The following HPSE2 variants were observed in gnomAD, a reference collection of about 807,000 sequenced individuals.
The protein encoded by HPSE2 is inactive heparanase-2.
HPSE2 carries 38 observed loss-of-function variants against 60.5 expected under a neutral mutation model. The ratio of observed to expected loss-of-function variants is 0.63; its 90% CI spans 0.48 to 0.82. The LOEUF (loss-of-function observed/expected upper bound fraction) is 0.82, where lower values mean the gene tolerates loss of function less well. HPSE2 is among the 40% of genes least tolerant of loss of function. HPSE2 has a pLI of 0.00. For missense variants in HPSE2, 713 were observed against 740.4 expected, an observed-to-expected ratio of 0.96 and a Z score of 0.43; for synonymous variants, 295 against 293.2, an observed-to-expected ratio of 1.01 and a Z score of -0.06.
intron 5 of HPSE2, among the ~76,000 whole-genome samples, chr10:98,719,718 AAAG>A (rs1554975640): frequency 1.3e-5 from 2 of 148,874 alleles, no homozygotes; most frequent in Non-Finnish European, 3.0e-5. Flanking sequence ...AAAAAAAAAA[AAAG>A]AAGAAGAAAA....
intron 9 of HPSE2, among the ~76,000 whole-genome samples, chr10:98,578,906 C>G (rs1354083564): frequency 6.6e-6 from 1 of 152,178 alleles, no homozygotes; most frequent in Non-Finnish European, 1.5e-5. Flanking sequence ...CCTTTCAGAA[C>G]AGGAAAACCC....
At chr10:98,677,532 CAT>C (rs1244195000) in intron 6 of HPSE2, among the ~76,000 whole-genome samples, 1 of 152,136 alleles carries the variant, frequency 6.6e-6, no homozygotes, top group Non-Finnish European at 1.5e-5. Context: ...AAACGCTTTT[CAT>C]ATGTTACCTT....
chr10:99,235,897 C>CT, upstream of HPSE2: 3 of 1,027,952 alleles, frequency 2.9e-6, no homozygotes, highest in East Asian at 2.6e-5. Context: ...TTTTTCCCCC[C>CT]TTTTTTTCCC....
intron 3 of HPSE2, among the ~76,000 whole-genome samples, chr10:99,072,031 T>G (rs1030244288): frequency 2.6e-5 from 4 of 152,078 alleles, no homozygotes; most frequent in Admixed American, 1.3e-4. Context: ...GTTTGTTTTT[T>G]TTTTTTTAAT....
chr10:99,297,965 T>C, the HPSE2 span, among the ~76,000 whole-genome samples: 3 of 152,218 alleles, frequency 2.0e-5, no homozygotes, highest in South Asian at 4.1e-4. Flanking sequence ...ATTTTCTTAA[T>C]TGCCAATTCC....
At chr10:98,635,276 T>C (rs892295104) in intron 7 of HPSE2, among the ~76,000 whole-genome samples, 2 of 152,308 alleles carry the variant, frequency 1.3e-5, no homozygotes, top group Non-Finnish European at 2.9e-5. Context: ...TTACATACTG[T>C]TGGTGGGAAT....
rs1177070454 is a variant in HPSE2 at position 98,938,357 on chromosome 10, T to C, written c.611-194301A>G. Among the ~76,000 whole-genome samples the C allele has an allele frequency of 9.8e-5, 14 of 143,586 alleles. 3 individuals are homozygous for C. Among genetic ancestry groups the C allele is most frequent in the Non-Finnish European group, 1.8e-4 (12 of 67,102 alleles). The allele number at this position is 143,586 out of a possible 152,430, so 94.2% of individuals were successfully genotyped here. A position where few individuals can be genotyped will look rare whatever the true frequency, so the allele number is the denominator to read the frequency against. The stretch of plus-strand genomic sequence containing the variant: ...AAACTTTGAAAAAAATTTAGACAAA[T>C]GTATAACTAGAATAACCAATACAGA... On this transcript the variant is annotated intron_variant, in intron 3 of 11. Transcript: ENST00000370552.
intron 3 of HPSE2, among the ~76,000 whole-genome samples, chr10:98,830,895 C>T (rs1951668805): frequency 6.6e-6 from 1 of 152,036 alleles, no homozygotes; most frequent in Non-Finnish European, 1.5e-5. Flanking sequence ...AGATTTTTCC[C>T]CCAAGTTATT....
At chr10:98,892,305 T>C (rs922386238) in intron 3 of HPSE2, among the ~76,000 whole-genome samples, 13 of 152,178 alleles carry the variant, frequency 8.5e-5, no homozygotes, top group African/African-American at 2.9e-4. Context: ...TCTTCAGTTA[T>C]CAAAGCTCAA....
At chr10:98,890,085 G>A (rs1953290337) in intron 3 of HPSE2, among the ~76,000 whole-genome samples, 1 of 152,152 alleles carries the variant, frequency 6.6e-6, no homozygotes, top group African/African-American at 2.4e-5. Context: ...CTTATATGTA[G>A]TTGTCTGAAA....
chr10:98,487,542 T>C (rs916496654), intron 10 of HPSE2, among the ~76,000 whole-genome samples: 11 of 152,248 alleles, frequency 7.2e-5, no homozygotes, highest in Non-Finnish European at 1.5e-5. Context: ...CGTAGAACCT[T>C]TGAAATTCAA....
intron 3 of HPSE2, among the ~76,000 whole-genome samples, chr10:98,945,566 A>G (rs1311325203): frequency 1.3e-5 from 2 of 152,180 alleles, no homozygotes; most frequent in Non-Finnish European, 1.5e-5. Context: ...CTACCTAGAA[A>G]GACAGAAAAT....
At chr10:98,886,721 G>A (rs1953176300) in intron 3 of HPSE2, among the ~76,000 whole-genome samples, 1 of 152,114 alleles carries the variant, frequency 6.6e-6, no homozygotes, top group African/African-American at 2.4e-5. Context: ...ATCAGTAGTG[G>A]AGATAAAAAT....
At chr10:98,622,990 C>T (rs911790448) in intron 7 of HPSE2, among the ~76,000 whole-genome samples, 7 of 152,058 alleles carry the variant, frequency 4.6e-5, no homozygotes, top group African/African-American at 1.7e-4. Context: ...AATCTGTGTA[C>T]ATGATAAACT....
intron 3 of HPSE2, among the ~76,000 whole-genome samples, chr10:98,893,334 T>TG (rs1564637599): frequency 6.6e-6 from 1 of 152,166 alleles, no homozygotes; most frequent in Non-Finnish European, 1.5e-5. Context: ...CCCAAAGTGT[T>TG]GGGATTACAG....
At chr10:98,997,547 C>T (rs1177678950) in intron 3 of HPSE2, among the ~76,000 whole-genome samples, 3 of 152,198 alleles carry the variant, frequency 2.0e-5, no homozygotes, top group Non-Finnish European at 4.4e-5. Context: ...AGCAACTTAT[C>T]GTAAACAGGA....
intron 3 of HPSE2, among the ~76,000 whole-genome samples, chr10:98,837,079 T>A (rs1214845135): frequency 5.3e-5 from 8 of 152,118 alleles, no homozygotes; most frequent in African/African-American, 1.7e-4. Flanking sequence ...ATAAATAAAC[T>A]GATTATAATC....
the HPSE2 span, among the ~76,000 whole-genome samples, chr10:99,289,354 T>C: frequency 2.8e-5 from 1 of 35,844 alleles, no homozygotes; most frequent in South Asian, 1.1e-3. Flanking sequence ...AGACATCATC[T>C]GTTTTTTTTT....
At chr10:99,199,034 C>T (rs538557026) in intron 2 of HPSE2, among the ~76,000 whole-genome samples, 39 of 152,236 alleles carry the variant, frequency 2.6e-4, no homozygotes, top group Admixed American at 9.8e-4. Flanking sequence ...TTCTTTTTAA[C>T]GCTGAATAAT....
Sources: gnomAD v4.1 joint callset for allele counts (sites outside exome capture counted in the v4.1 genomes callset) on GRCh38, gnomAD v4.1.1 for gene constraint, MANE v1.5 for transcripts, NCBI Gene and HGNC (gene_info 2026-07-23, HGNC 2026-07-21) for gene names.